The following NUDT8 variants were observed in gnomAD, a reference collection of about 807,000 sequenced individuals.
NUDT8 encodes the protein nudix hydrolase 8.
In NUDT8, 14 loss-of-function variants were observed where a neutral mutation model predicts 12.5. That is an observed-to-expected ratio of 1.12 (90% CI 0.74 to 1.75). The LOEUF (loss-of-function observed/expected upper bound fraction) is 1.75, where lower values mean the gene tolerates loss of function less well. NUDT8 is among the 40% of genes most tolerant of loss of function. The pLI, the probability that NUDT8 is intolerant of heterozygous loss-of-function variation, is 0.00. For missense variants in NUDT8, 337 were observed against 318.5 expected (o/e 1.06, Z -0.44); for synonymous variants, 163 against 156.2 (o/e 1.04, Z -0.33).
Position 67,628,287 on chromosome 11 carries a change from TG to T in NUDT8, c.405+35del, listed in dbSNP as rs769346343. 6.2e-6 allele frequency: 10 copies of T among 1,613,748 alleles called. No homozygotes were observed. The South Asian group carries it at 8.8e-5, about 14-fold the overall frequency. On this transcript the variant is annotated intron_variant, in intron 3 of 3. Transcript: ENST00000376693. ...GAGGCAGAGAGGGTAGACAGAGGAC[TG>T]GAACAGCCCAACCCCCTCATATCCC...
chr11:67,629,703 T>G lies in NUDT8; in HGVS notation c.194+15A>C. The G allele has an allele frequency of 6.8e-7, 1 of 1,467,108 alleles. No individual in the cohort carries two copies. The highest frequency in any genetic ancestry group is 9.1e-7 in the Non-Finnish European group (1 of 1,102,308). 90.9% of individuals were successfully genotyped at this position (1,467,108 alleles called of 1,614,324 possible). A position where few individuals can be genotyped will look rare whatever the true frequency, so the allele number is the denominator to read the frequency against. Reference sequence around the variant, plus strand: ...TAGCCTCCGGCAAAGGGCGAGGAGTTCCCGGCCGCTGTACCTGACGTCGCC... The same window carrying G: ...TAGCCTCCGGCAAAGGGCGAGGAGTGCCCGGCCGCTGTACCTGACGTCGCC... On this transcript the variant is annotated intron_variant, in intron 1 of 3. Coordinates refer to ENST00000376693, the MANE Select transcript of NUDT8 (RefSeq NM_001243750.2).
chr11:67,628,191 T>C lies in NUDT8; in HGVS notation c.466A>G (p.Thr156Ala). The C allele has an allele frequency of 6.2e-7, 1 of 1,610,260 alleles. No homozygotes were observed. The highest frequency in any genetic ancestry group is 1.3e-5 in the African/African-American group (1 of 75,020). The part of the protein sequence containing the change: ...HLLQTQNQGY[T>A]HFCRGGHFRY... ...AAGTGGCCACCCCGGCAGAAGTGGGTATAGCCCTGATTCTGCGTCTGCAGC... is the reference window on the plus strand; with the variant it reads ...AAGTGGCCACCCCGGCAGAAGTGGGCATAGCCCTGATTCTGCGTCTGCAGC... The change falls in exon 4 of 4, where the codon ACC becomes GCC. Residue 156 changes from threonine to alanine, a missense_variant. Thr to Ala is a moderately conservative substitution (Grantham distance 58, BLOSUM62 0). Transcript: ENST00000376693.
rs1299605194 is a variant in NUDT8, at chr11:67,629,872, A to C, written c.40T>G (p.Cys14Gly). ...GTGGCCCCTGCCAGCAGCCGGCGGC[A>C]GCGCAGCTCGCCCTCGGCCGACAGG... is the stretch of plus-strand genomic sequence containing the variant. ...DCLSAEGELRCRRLLAGATAR... is the reference protein window; with the variant it reads ...DCLSAEGELRGRRLLAGATAR... The change falls in exon 1 of 4, where the codon TGC becomes GGC. Residue 14 changes from cysteine to glycine, a missense_variant. Transcript: ENST00000376693. The C allele has an allele frequency of 8.0e-7, 1 of 1,249,364 alleles. No individual in the cohort carries two copies. Among genetic ancestry groups the C allele is most frequent in the Admixed American group, 4.3e-5 (1 of 23,306 alleles). The allele number at this position is 1,249,364 out of a possible 1,614,324, so 77.4% of individuals were successfully genotyped here. A position where few individuals can be genotyped will look rare whatever the true frequency, so the allele number is the denominator to read the frequency against.
Position 67,629,888 on chromosome 11 carries a change from G to T in NUDT8, c.24C>A (p.Ala8=). 4.8e-6 allele frequency: 6 copies of T among 1,240,218 alleles called. No homozygotes were observed. The highest frequency in any genetic ancestry group is 6.0e-6 in the Non-Finnish European group (6 of 996,674). 76.8% of individuals were successfully genotyped at this position (1,240,218 alleles called of 1,614,324 possible). ...GCCGGCGGCAGCGCAGCTCGCCCTC[G>T]GCCGACAGGCAGTCGGGCAGCATGT... The part of the protein sequence containing the change: MLPDCLS[A]EGELRCRRLL... Residue 8 remains alanine (A), a synonymous_variant, in exon 1 of 4, where the codon GCC becomes GCA. Transcript: ENST00000376693.
At chr11:67,628,800 C>T in intron 2 of NUDT8, 119 bp downstream of exon 2, 1 of 1,328,040 alleles carries the variant, frequency 7.5e-7, no homozygotes, top group Non-Finnish European at 1.0e-6. Context: ...TTAGGGGCAC[C>T]CTTCCACACT....
rs766063140 is a variant in NUDT8, at chr11:67,629,812, C to T, written c.100G>A (p.Val34Met). ...CGCACTGAGCAGAGCGGCACGAGCA[C>T]CGCGGCCGACGCGGGCCGCGCGCGG... ...RLRARPASAA[V>M]LVPLCSVRGV... Residue 34 changes from valine to methionine, a missense_variant, in exon 1 of 4, where the codon GTG becomes ATG. Coordinates refer to ENST00000376693, the MANE Select transcript of NUDT8 (RefSeq NM_001243750.2). 1 of 1,423,290 alleles carries T rather than the reference C, an allele frequency of 7.0e-7. No homozygotes were observed. The highest frequency in any genetic ancestry group is 9.2e-7 in the Non-Finnish European group (1 of 1,089,666). 88.2% of individuals were successfully genotyped at this position (1,423,290 alleles called of 1,614,324 possible). A position where few individuals can be genotyped will look rare whatever the true frequency, so the allele number is the denominator to read the frequency against.
chr11:67,629,732 G>C lies in NUDT8; in HGVS notation c.180C>G (p.His60Gln), dbSNP rs1282329778. ...GGCCGCTGTACCTGACGTCGCCCTT[G>C]TGCCTCCCGGTCAGGCGGCTGGACC... is the stretch of plus-strand genomic sequence containing the variant. ...TLRSSRLTGR[H>Q]KGDVSFPGGK... The change falls in exon 1 of 4, where the codon CAC (histidine) becomes CAG (glutamine). Residue 60 changes from histidine to glutamine, a missense_variant. His to Gln is a conservative substitution (Grantham distance 24). Transcript: ENST00000376693. 2 of 1,535,324 alleles carry C rather than the reference G, an allele frequency of 1.3e-6. No homozygotes were observed. Among genetic ancestry groups the C allele is most frequent in the Non-Finnish European group, 1.7e-6 (2 of 1,145,654 alleles).
At chr11:67,628,839 T>C in intron 2 of NUDT8, 80 bp downstream of exon 2, 1 of 1,522,204 alleles carries the variant, frequency 6.6e-7, no homozygotes, top group Non-Finnish European at 8.9e-7. Context: ...ATGACCACTC[T>C]CCTGGTCCCT....
In NUDT8 at chr11:67,629,127, G is replaced by T. The variant is rs938228108; in HGVS notation, c.195-76C>A. 3.6e-5 allele frequency: 52 copies of T among 1,444,142 alleles called. 1 individual carries two copies. The East Asian group carries it at 6.1e-4, about 17-fold the overall frequency. The allele number at this position is 1,444,142 out of a possible 1,614,324, so 89.5% of individuals were successfully genotyped here. ...GTCGGGGTATCGGCAGTGCGGGGGG[G>T]GCCACTGGCCCACCGAAGTGTCGCC... On this transcript the variant is annotated intron_variant, in intron 1 of 3. Coordinates refer to ENST00000376693, the MANE Select transcript of NUDT8 (RefSeq NM_001243750.2).
At position 67,629,840 on chromosome 11, in the gene NUDT8, C is replaced by A; in HGVS notation, c.72G>T (p.Arg24=). 1 of 1,318,298 alleles carries A rather than the reference C, an allele frequency of 7.6e-7. No individual in the cohort carries two copies. Among genetic ancestry groups the A allele is most frequent in the Non-Finnish European group, 9.6e-7 (1 of 1,039,462 alleles). The allele number at this position is 1,318,298 out of a possible 1,614,324, so 81.7% of individuals were successfully genotyped here. ...CGGCCGACGCGGGCCGCGCGCGGAG[C>A]CGGGCCGTGGCCCCTGCCAGCAGCC... ...CRRLLAGATA[R]LRARPASAAV... Residue 24 remains arginine, a synonymous_variant, in exon 1 of 4, where the codon CGG becomes CGT. Transcript: ENST00000376693.
chr11:67,629,255 A>G, intron 1 of NUDT8: 1 of 567,350 alleles, frequency 1.8e-6, no homozygotes, highest in Non-Finnish European at 3.1e-6. Context: ...GAGGCCCGGG[A>G]CAGCGCAGGA....
intron 2 of NUDT8, among the ~76,000 whole-genome samples, 162 bp from the exon 3 acceptor site, chr11:67,628,562 C>A (rs1040890760): frequency 6.6e-6 from 1 of 152,176 alleles, no homozygotes; most frequent in Admixed American, 6.5e-5. Flanking sequence ...TGACTCAGGT[C>A]CCCTCAAATG....
Position 67,628,136 on chromosome 11 carries a change from C to A in NUDT8, c.521G>T (p.Gly174Val), listed in dbSNP as rs907687704. ...FRYTLPVFLH[G>V]PHRVWGLTAV... ...TGTGAGGCCCCAGACCCGGTGTGGTCCATGCAGGAAGACGGGTAGTGTGTA... is the reference window on the plus strand; with the variant it reads ...TGTGAGGCCCCAGACCCGGTGTGGTACATGCAGGAAGACGGGTAGTGTGTA... Residue 174 changes from glycine (G) to valine (V), a missense_variant, in exon 4 of 4, where the codon GGA (glycine) becomes GTA (valine). Gly to Val is a moderately radical substitution (Grantham distance 109, BLOSUM62 -3). Coordinates refer to ENST00000376693, the MANE Select transcript of NUDT8 (RefSeq NM_001243750.2). 1.2e-6 allele frequency: 2 copies of A among 1,600,238 alleles called. No homozygotes were observed. Among genetic ancestry groups the A allele is most frequent in the Admixed American group, 1.7e-5 (1 of 60,024 alleles).
Position 67,628,932 on chromosome 11 carries a change from G to A in NUDT8, c.314C>T (p.Pro105Leu), listed in dbSNP as rs1855158505. Reference sequence around the variant, plus strand: ...CAAGTGGCTTACCGGATCATACACAGGCCGCAGCAGGCCCCACACGTGCTC... The same window carrying A: ...CAAGTGGCTTACCGGATCATACACAAGCCGCAGCAGGCCCCACACGTGCTC... ...PEEHVWGLLR[P>L]VYDPQKATVV... Residue 105 changes from proline to leucine, a missense_variant, in exon 2 of 4, where the codon CCT (proline) becomes CTT (leucine). Pro to Leu is a moderately conservative substitution (Grantham distance 98, BLOSUM62 -3). Coordinates refer to ENST00000376693, the MANE Select transcript of NUDT8 (RefSeq NM_001243750.2). 1 of 1,610,658 alleles carries A rather than the reference G, an allele frequency of 6.2e-7. No individual in the cohort carries two copies. The highest frequency in any genetic ancestry group is 2.2e-5 in the East Asian group (1 of 44,818).
In NUDT8 at chr11:67,629,126, G is replaced by T. The variant is rs986056391; in HGVS notation, c.195-75C>A. 6.2e-6 allele frequency: 9 copies of T among 1,462,268 alleles called. No homozygotes were observed. In the South Asian group the frequency reaches 7.8e-5, roughly 13 times the overall value. 90.6% of individuals were successfully genotyped at this position (1,462,268 alleles called of 1,614,324 possible). On this transcript the variant is annotated intron_variant, in intron 1 of 3. Transcript: ENST00000376693. ...GGTCGGGGTATCGGCAGTGCGGGGG[G>T]GGCCACTGGCCCACCGAAGTGTCGC...
Position 67,628,348 on chromosome 11 carries a change from T to C in NUDT8, c.380A>G (p.Gln127Arg). The C allele has an allele frequency of 6.2e-7, 1 of 1,613,910 alleles. No individual in the cohort carries two copies. The highest frequency in any genetic ancestry group is 8.5e-7 in the Non-Finnish European group (1 of 1,179,960). The change falls in exon 3 of 4, where the codon CAG (glutamine) becomes CGG (arginine). Residue 127 changes from glutamine (Q) to arginine (R), a missense_variant. Transcript: ENST00000376693. ...VLAGVGPLDPQSLRPNSEEVD... is the reference protein window; with the variant it reads ...VLAGVGPLDPRSLRPNSEEVD... ...CTCCTCCGAGTTGGGCCTGAGGCTC[T>C]GGGGATCCAGTGGGCCTACACCAGC...
At position 67,628,991 on chromosome 11, in the gene NUDT8, T is replaced by G; in HGVS notation, c.255A>C (p.Glu85Asp). 6.2e-7 allele frequency: 1 copy of G among 1,612,896 alleles called. No individual in the cohort carries two copies. Among genetic ancestry groups the G allele is most frequent in the Non-Finnish European group, 8.5e-7 (1 of 1,179,812 alleles). ...CTGCCAGGCCCAGCTCCTCCCGGGT[T>G]TCCCGCAGGGCCGTGTGCACCACAT... The part of the protein sequence containing the change: ...DQDVVHTALR[E>D]TREELGLAVP... Residue 85 changes from glutamate to aspartate, a missense_variant, in exon 2 of 4, where the codon GAA becomes GAC. Glu to Asp is a conservative substitution (Grantham distance 45, BLOSUM62 2). Transcript: ENST00000376693.
intron 1 of NUDT8, 70 bp from the exon 2 acceptor site, chr11:67,629,121 G>A (rs905576420): frequency 3.6e-6 from 5 of 1,406,376 alleles, no homozygotes; most frequent in Admixed American, 4.3e-5. Context: ...TCGGCAGTGC[G>A]GGGGGGGCCA....
chr11:67,629,904 G>T lies in NUDT8; in HGVS notation c.8C>A (p.Pro3His), dbSNP rs922823421. ...CTCGCCCTCGGCCGACAGGCAGTCG[G>T]GCAGCATGTCAAGTCCTGCGCGGCC... Reference protein sequence around the residue: MLPDCLSAEGELR... With the variant: MLHDCLSAEGELR... Residue 3 changes from proline (P) to histidine (H), a missense_variant, in exon 1 of 4, where the codon CCC (proline) becomes CAC (histidine). Pro to His is a moderately conservative substitution (Grantham distance 77). Transcript: ENST00000376693. 5 of 1,236,108 alleles carry T rather than the reference G, an allele frequency of 4.0e-6. No individual in the cohort carries two copies. In the African/African-American group the frequency reaches 4.7e-5, roughly 12 times the overall value. The allele number at this position is 1,236,108 out of a possible 1,614,324, so 76.6% of individuals were successfully genotyped here.
Sources: allele counts gnomAD v4.1 joint callset (sites outside exome capture counted in the v4.1 genomes callset), GRCh38; gene constraint gnomAD v4.1.1; transcripts MANE v1.5; gene names NCBI Gene and HGNC (gene_info 2026-07-23, HGNC 2026-07-21).